TTN: variants seen among roughly 807,000 people sequenced by gnomAD.
The protein encoded by TTN is titin.
A neutral mutation model predicts 3,223.0 loss-of-function variants in TTN; 1,525 were observed. The observed-to-expected ratio is 0.47, with a 90% CI of 0.45 to 0.49. The LOEUF (loss-of-function observed/expected upper bound fraction) is 0.49, where lower values mean the gene tolerates loss of function less well. Ranked by LOEUF, TTN falls within the 20% of genes least tolerant of loss-of-function variation. TTN has a pLI of 0.00. For missense variants in TTN, 40,786 were observed against 43,424.0 expected (o/e 0.94, Z 5.40); for synonymous variants, 14,094 against 15,161.0 (o/e 0.93, Z 5.17).
intron 47 of TTN, chr2:178,750,616 CAT>C (rs747773899): frequency 2.5e-6 from 4 of 1,612,724 alleles, no homozygotes; most frequent in Non-Finnish European, 2.5e-6. Flanking sequence ...CAAAAAATCT[CAT>C]GTTTTCTTCC....
Position 178,730,755 on chromosome 2 carries a change from C to A in TTN, c.17778G>T (p.Lys5926Asn), listed in dbSNP as rs755607488. The change falls in exon 61 of 363, where the codon AAG (lysine) becomes AAT (asparagine). Residue 5926 changes from lysine (K) to asparagine (N), a missense_variant. Transcript: ENST00000589042. ...IIPPSFTKKL[K>N]KMDSIKGSFI... ...AAGAACCTTTAATGCTGTCCATTTT[C>A]TTCAGCTTTTTGGTGAATGAAGGAG... 1.9e-6 allele frequency: 3 copies of A among 1,607,310 alleles called. No homozygotes were observed. In the Admixed American group the frequency reaches 5.0e-5, roughly 27 times the overall value.
Position 178,784,130 on chromosome 2 carries a change from G to A in TTN, c.2715C>T (p.Ser905=), listed in dbSNP as rs878867369. 1 of 1,614,044 alleles carries A rather than the reference G, an allele frequency of 6.2e-7. No individual in the cohort carries two copies. The highest frequency in any genetic ancestry group is 8.5e-7 in the Non-Finnish European group (1 of 1,179,988). ...GVEVKKEVGV[S]ITGTTVREER... is the part of the protein sequence containing the mutation. The stretch of plus-strand genomic sequence containing the variant: ...CTTCACGGACGGTGGTGCCAGTGAT[G>A]CTCACCCCTACTTCCTTTTTCACCT... The change falls in exon 16 of 363, where the codon AGC becomes AGT. Residue 905 remains serine (S), a synonymous_variant. Transcript: ENST00000589042.
chr2:178,593,201 G>T lies in TTN; in HGVS notation c.59007C>A (p.Ser19669=), dbSNP rs139656306. 6.2e-7 allele frequency: 1 copy of T among 1,613,356 alleles called. No individual in the cohort carries two copies. Among genetic ancestry groups the T allele is most frequent in the Non-Finnish European group, 8.5e-7 (1 of 1,179,576 alleles). ...TTGGATCTTTAGCAAAGACTGGTTTGGATGGTGGGCTTGGATCTCCAATAC... is the reference window on the plus strand; with the variant it reads ...TTGGATCTTTAGCAAAGACTGGTTTTGATGGTGGGCTTGGATCTCCAATAC... ...EIGIGDPSPP[S]KPVFAKDPIA... is the part of the protein sequence containing the mutation. Residue 19669 remains serine, a synonymous_variant, in exon 299 of 363, where the codon TCC becomes TCA. Coordinates refer to ENST00000589042, the MANE Select transcript of TTN (RefSeq NM_001267550.2).
chr2:178,613,334 G>A, intron 263 of TTN, 58 bp from the exon 264 acceptor site: 1 of 1,318,742 alleles, frequency 7.6e-7, no homozygotes, highest in Non-Finnish European at 1.1e-6. Flanking sequence ...AGAAGCCTAT[G>A]TTTATTTTAC....
In TTN at chr2:178,618,240, T is replaced by A; in HGVS notation, c.47218A>T (p.Thr15740Ser). The stretch of plus-strand genomic sequence containing the variant: ...TTGTCAGTTTCTACTGGCTCACCAG[T>A]GCCAACTCTGTTTCTTGCACTCACA... Reference protein sequence around the residue: ...FRVSARNRVGTGEPVETDNPV... With the variant: ...FRVSARNRVGSGEPVETDNPV... The change falls in exon 252 of 363, where the codon ACT (threonine) becomes TCT (serine). Residue 15740 changes from threonine to serine, a missense_variant. Transcript: ENST00000589042. 6.2e-7 allele frequency: 1 copy of A among 1,612,874 alleles called. No homozygotes were observed. Among genetic ancestry groups the A allele is most frequent in the Non-Finnish European group, 8.5e-7 (1 of 1,179,186 alleles).
At chr2:178,611,982 G>A in intron 267 of TTN, 28 bp from the exon 268 acceptor site, 1 of 1,604,366 alleles carries the variant, frequency 6.2e-7, no homozygotes, top group Non-Finnish European at 8.5e-7. Flanking sequence ...CATTTCATTA[G>A]CATTAATGAA....
chr2:178,805,793 A>T (rs1472453994), intron 1 of TTN, among the ~76,000 whole-genome samples: 2 of 152,240 alleles, frequency 1.3e-5, no homozygotes, highest in African/African-American at 4.8e-5. Flanking sequence ...AGGCTGGTGT[A>T]AAATGTAGAT....
At chr2:178,529,870 C>T (rs544919156) in intron 359 of TTN, 90 bp downstream of exon 359, 9 of 1,319,014 alleles carry the variant, frequency 6.8e-6, no homozygotes, top group Non-Finnish European at 8.3e-6. Context: ...TTAATACTTT[C>T]TTGTATGTGT....
In TTN at chr2:178,776,261, G is replaced by A. The variant is rs773566945; in HGVS notation, c.5603C>T (p.Pro1868Leu). ...ARFRCRVTGY[P>L]QPKVNWYLNG... ...GAGGTACCAGTTGACTTTGGGCTGA[G>A]GGTAGCCTGTTACCCTGCAGCGGAA... Residue 1868 changes from proline (P) to leucine (L), a missense_variant, in exon 28 of 363, where the codon CCT becomes CTT. Coordinates refer to ENST00000589042, the MANE Select transcript of TTN (RefSeq NM_001267550.2). 6.2e-7 allele frequency: 1 copy of A among 1,614,094 alleles called. No individual in the cohort carries two copies. Among genetic ancestry groups the A allele is most frequent in the Non-Finnish European group, 8.5e-7 (1 of 1,179,990 alleles).
In TTN at chr2:178,591,739, A is replaced by C; in HGVS notation, c.60080T>G (p.Phe20027Cys). The C allele has an allele frequency of 3.1e-6, 5 of 1,613,346 alleles. No homozygotes were observed. The highest frequency in any genetic ancestry group is 4.2e-6 in the Non-Finnish European group (5 of 1,179,568). ...ACACTCTAAGTTTGTCACAGTCTTA[A>C]ATTTAATCCAGTCCTGGGTGCCTTC... ...QEEGTQDWIK[F>C]KTVTNLECVV... Residue 20027 changes from phenylalanine to cysteine, a missense_variant, in exon 303 of 363, where the codon TTT becomes TGT. By Grantham distance (205) the Phe-to-Cys change is radical. Transcript: ENST00000589042.
In TTN at chr2:178,780,159, C is replaced by T. The variant is rs2092636085; in HGVS notation, c.3570G>A (p.Gln1190=). The change falls in exon 22 of 363, where the codon CAG becomes CAA. Residue 1190 remains glutamine (Q), a synonymous_variant. Coordinates refer to ENST00000589042, the MANE Select transcript of TTN (RefSeq NM_001267550.2). ...CTTGAACAAATGCAGTCACTTGTGT[C>T]TGATAAAGCATTTCTTGCTGGGACT... is the stretch of plus-strand genomic sequence containing the variant. The part of the protein sequence containing the change: ...LMKSQQEMLY[Q]TQVTAFVQEP... 6.2e-7 allele frequency: 1 copy of T among 1,613,718 alleles called. No individual in the cohort carries two copies. The highest frequency in any genetic ancestry group is 8.5e-7 in the Non-Finnish European group (1 of 1,179,878).
intron 242 of TTN, among the ~76,000 whole-genome samples, chr2:178,623,871 C>A (rs2058660732): frequency 6.6e-6 from 1 of 151,870 alleles, no homozygotes. Flanking sequence ...TGTTAAAAAC[C>A]ATTAGAGTTC....
At position 178,526,691 on chromosome 2, in the gene TTN, T is replaced by C; in HGVS notation, c.*321A>G. On this transcript the variant is annotated 3_prime_UTR_variant, in exon 363 of 363. Transcript: ENST00000589042. ...AAGATTGATTAAATGTTGAGCAGGG[T>C]ATTCGTTCCATAAGAAACTTTCTCC... The C allele has an allele frequency of 4.8e-6, 1 of 209,428 alleles. No individual in the cohort carries two copies. Among genetic ancestry groups the C allele is most frequent in the Non-Finnish European group, 9.6e-6 (1 of 103,916 alleles). 13.0% of individuals were successfully genotyped at this position (209,428 alleles called of 1,614,324 possible).
In TTN at chr2:178,600,785, G is replaced by A. The variant is rs781493011; in HGVS notation, c.56050+69C>T. The A allele has an allele frequency of 1.9e-6, 3 of 1,573,296 alleles. No individual in the cohort carries two copies. In the Admixed American group the frequency reaches 5.0e-5, roughly 26 times the overall value. On this transcript the variant is annotated intron_variant, in intron 288 of 362. Coordinates refer to ENST00000589042, the MANE Select transcript of TTN (RefSeq NM_001267550.2). ...GTACAGATATAGCTCTTTTAATTGT[G>A]AACTATTATTGAACACCTAGGAAGG...
rs753079465 is a variant in TTN at position 178,549,003 on chromosome 2, C to T, written c.92623G>A (p.Ala30875Thr). 1.9e-6 allele frequency: 3 copies of T among 1,613,774 alleles called. No homozygotes were observed. The highest frequency in any genetic ancestry group is 2.5e-6 in the Non-Finnish European group (3 of 1,179,846). Reference protein sequence around the residue: ...LGDWHKVNAEACVKTRYTVTD... With the variant: ...LGDWHKVNAETCVKTRYTVTD... ...ACTGTATATCTTGTTTTCACACATG[C>T]CTCTGCATTCACCTTGTGCCAGTCT... Residue 30875 changes from alanine (A) to threonine (T), a missense_variant, in exon 339 of 363, where the codon GCA becomes ACA. Ala to Thr is a moderately conservative substitution (Grantham distance 58, BLOSUM62 0). Coordinates refer to ENST00000589042, the MANE Select transcript of TTN (RefSeq NM_001267550.2).
chr2:178,546,567 A>G, intron 341 of TTN, 33 bp downstream of exon 341: 2 of 1,594,432 alleles, frequency 1.3e-6, no homozygotes, highest in Non-Finnish European at 1.7e-6. Flanking sequence ...AATTGAGATA[A>G]TTTTAAAAAG....
At position 178,574,787 on chromosome 2, in the gene TTN, A is replaced by G. The variant is rs1444831145; in HGVS notation, c.71345T>C (p.Ile23782Thr). 18 of 1,612,168 alleles carry G rather than the reference A, an allele frequency of 1.1e-5. No homozygotes were observed. Among genetic ancestry groups the G allele is most frequent in the Non-Finnish European group, 1.4e-5 (17 of 1,178,926 alleles). The change falls in exon 326 of 363, where the codon ATA (isoleucine) becomes ACA (threonine). Residue 23782 changes from isoleucine (I) to threonine (T), a missense_variant. Transcript: ENST00000589042. ...TTWVELATTVIRTTYKATRLT... is the reference protein window; with the variant it reads ...TTWVELATTVTRTTYKATRLT... ...GCGGGTGGCTTTATAGGTAGTACGTATAACGGTGGTTGCTAACTCAACCCA... is the reference window on the plus strand; with the variant it reads ...GCGGGTGGCTTTATAGGTAGTACGTGTAACGGTGGTTGCTAACTCAACCCA...
rs375368824 is a variant in TTN at position 178,544,203 on chromosome 2, A to T, written c.96026T>A (p.Ile32009Lys). 6.2e-7 allele frequency: 1 copy of T among 1,612,550 alleles called. No homozygotes were observed. Among genetic ancestry groups the T allele is most frequent in the Non-Finnish European group, 8.5e-7 (1 of 1,178,680 alleles). Residue 32009 changes from isoleucine to lysine, a missense_variant and splice_region_variant, in exon 345 of 363, where the codon ATA becomes AAA. Coordinates refer to ENST00000589042, the MANE Select transcript of TTN (RefSeq NM_001267550.2). Reference sequence around the variant, plus strand: ...CTAAAAGCTTCTGTGATAAATACCTATTCTTTCCACGGGCTCAATTTCAGC... The same window carrying T: ...CTAAAAGCTTCTGTGATAAATACCTTTTCTTTCCACGGGCTCAATTTCAGC... ...SIAEIEPVER[I>K]EIPDLELADD...
intron 17 of TTN, 31 bp from the exon 18 acceptor site, chr2:178,783,095 A>T (rs779214532): frequency 6.2e-7 from 1 of 1,607,310 alleles, no homozygotes; most frequent in East Asian, 2.2e-5. Flanking sequence ...AAATAATGAT[A>T]CGTGTGCATA....
Sources: allele counts gnomAD v4.1 joint callset (sites outside exome capture counted in the v4.1 genomes callset), GRCh38; gene constraint gnomAD v4.1.1; transcripts MANE v1.5; gene names NCBI Gene and HGNC (gene_info 2026-07-23, HGNC 2026-07-21).